The following DCX variants were observed in gnomAD, a reference collection of about 807,000 sequenced individuals.
DCX encodes doublecortin.
In DCX, 4 loss-of-function variants were observed where a neutral mutation model predicts 20.9. The observed-to-expected ratio is 0.19, with a 90% confidence interval of 0.09 to 0.44. DCX has a LOEUF of 0.44. DCX is among the 20% of genes least tolerant of loss of function. DCX has a pLI of 0.99. For missense variants in DCX, 133 were observed against 296.9 expected (o/e 0.45, Z 4.06); for synonymous variants, 103 against 111.4 (o/e 0.92, Z 0.47).
intron 6 of DCX, among the ~76,000 whole-genome samples, chrX:111,302,590 T>C (rs1412068552): frequency 2.7e-5 from 3 of 112,214 alleles, no homozygotes; most frequent in Non-Finnish European, 5.6e-5. Context: ...TATTAGTAGT[T>C]TGGTTTCTCC....
chrX:111,302,040 C>T (rs888095878), intron 6 of DCX, among the ~76,000 whole-genome samples: 8 of 110,561 alleles, frequency 7.2e-5, no homozygotes, highest in Non-Finnish European at 1.3e-4. Context: ...GTGTGACCAT[C>T]GCCACAGTCA....
chrX:111,385,242 C>A (rs187588458), intron 3 of DCX, among the ~76,000 whole-genome samples: 68 of 112,469 alleles, frequency 6.0e-4, no homozygotes, highest in African/African-American at 2.2e-3. Context: ...CCACAAAAAG[C>A]CCATATAATA....
At chrX:111,388,993 A>C (rs780799009) in intron 3 of DCX, among the ~76,000 whole-genome samples, 8 of 111,697 alleles carry the variant, frequency 7.2e-5, no homozygotes, top group Non-Finnish European at 1.5e-4. Context: ...CACTGGACAG[A>C]CTAGTTTTGA....
chrX:111,324,513 A>T (rs1420538316), intron 5 of DCX, among the ~76,000 whole-genome samples: 1 of 111,932 alleles, frequency 8.9e-6, no homozygotes, highest in African/African-American at 3.2e-5. Context: ...TTTAAATTCC[A>T]GTTCTATCAT....
rs2095028169 is a variant in DCX at position 111,299,149 on chromosome X, C to T, written c.*2538G>A. On this transcript the variant is annotated 3_prime_UTR_variant, in exon 7 of 7. Coordinates refer to ENST00000636035, the MANE Select transcript of DCX (RefSeq NM_001195553.2). ...GTTACAGACACACAAAAAAAATTGC[C>T]TTGAAAGTGGGCCAATTTAAAATGC... The T allele has an allele frequency of 9.0e-6, 1 of 111,015 alleles. No homozygotes were observed. Among genetic ancestry groups the T allele is most frequent in the African/African-American group, 3.3e-5 (1 of 30,458 alleles). The allele number at this position is 111,015 out of a possible 1,213,427, so 9.1% of individuals were successfully genotyped here. A position where few individuals can be genotyped will look rare whatever the true frequency, so the allele number is the denominator to read the frequency against.
chrX:111,338,025 C>T (rs1921888601), intron 3 of DCX, among the ~76,000 whole-genome samples: 1 of 112,133 alleles, frequency 8.9e-6, no homozygotes, highest in Non-Finnish European at 1.9e-5. Context: ...CAGAGAAAAA[C>T]TGAGTCTTGA....
At chrX:111,340,183 T>A (rs531275202) in intron 3 of DCX, among the ~76,000 whole-genome samples, 4 of 112,659 alleles carry the variant, frequency 3.6e-5, no homozygotes, top group African/African-American at 1.3e-4. Flanking sequence ...ACTTTTCCCT[T>A]GCTGGAGCCA....
intron 3 of DCX, among the ~76,000 whole-genome samples, chrX:111,369,096 T>C (rs1329913907): frequency 9.0e-6 from 1 of 110,862 alleles, no homozygotes; most frequent in Non-Finnish European, 1.9e-5. Context: ...AGATGTAGAC[T>C]GGGAGGCTAG....
chrX:111,328,759 A>G (rs2095105557), intron 5 of DCX, among the ~76,000 whole-genome samples: 1 of 111,226 alleles, frequency 9.0e-6, no homozygotes, highest in Non-Finnish European at 1.9e-5. Context: ...CTTGGATCAC[A>G]AACTAAGGTA....
chrX:111,401,895 T>C (rs1927821799), intron 2 of DCX, among the ~76,000 whole-genome samples: 1 of 112,198 alleles, frequency 8.9e-6, no homozygotes, highest in Admixed American at 9.5e-5. Context: ...TTGCACAGAG[T>C]ATATGGCCAA....
chrX:111,408,682 GAAAGAAAGAA>G (rs1569498223), intron 2 of DCX, among the ~76,000 whole-genome samples: 6 of 109,790 alleles, frequency 5.5e-5, no homozygotes, highest in African/African-American at 1.7e-4. Context: ...AAGAAAGAAA[GAAAGAAAGAA>G]AGGAAGGAAG....
chrX:111,341,418 C>G, intron 3 of DCX, among the ~76,000 whole-genome samples: 1 of 111,013 alleles, frequency 9.0e-6, no homozygotes, highest in East Asian at 2.8e-4. Context: ...ATAAAGGAGA[C>G]AGGGAGAATG....
intron 3 of DCX, among the ~76,000 whole-genome samples, chrX:111,369,567 G>T (rs1924909787): frequency 9.0e-6 from 1 of 111,682 alleles, no homozygotes; most frequent in Non-Finnish European, 1.9e-5. Context: ...CCAAGGGGAT[G>T]GTCCCAAAAG....
intron 2 of DCX, among the ~76,000 whole-genome samples, chrX:111,402,789 GTGTGT>G (rs1240700243): frequency 7.4e-4 from 9 of 12,243 alleles, no homozygotes; most frequent in East Asian, 0.15. Context: ...CGTGGTGTGT[GTGTGT>G]GTGTGTGTGT....
intron 2 of DCX, among the ~76,000 whole-genome samples, chrX:111,404,145 T>A (rs1387036779): frequency 2.7e-5 from 3 of 110,824 alleles, no homozygotes; most frequent in Non-Finnish European, 5.7e-5. Flanking sequence ...TTTCTGTTAT[T>A]ATTAAGCCCC....
chrX:111,385,361 A>G (rs1166280970), intron 3 of DCX, among the ~76,000 whole-genome samples: 1 of 111,831 alleles, frequency 8.9e-6, no homozygotes, highest in Non-Finnish European at 1.9e-5. Context: ...GACTAATGGA[A>G]AATCAAGTTC....
chrX:111,361,803 G>T (rs1258925796), intron 3 of DCX, among the ~76,000 whole-genome samples: 1 of 111,800 alleles, frequency 8.9e-6, no homozygotes, highest in Non-Finnish European at 1.9e-5. Context: ...GTCCCTCAAT[G>T]AATAATGGTA....
rs9778299 is a variant in DCX, at chrX:111,319,361, A to G, written c.947-6625T>C. On this transcript the variant is annotated intron_variant, in intron 5 of 6. Transcript: ENST00000636035. ...GCCACGGGGGAGGGAGAGAATGAAC[A>G]CCATGGTAGATAGGGACCTAGAGGC... 3.5e-3 allele frequency among the ~76,000 whole-genome samples: 390 copies of G among 111,090 alleles called. 3 individuals are homozygous for G. The highest frequency in any genetic ancestry group is 0.012 in the African/African-American group (370 of 30,484).
intron 3 of DCX, among the ~76,000 whole-genome samples, chrX:111,353,907 T>G (rs779321873): frequency 5.4e-5 from 6 of 112,101 alleles, no homozygotes; most frequent in African/African-American, 1.9e-4. Flanking sequence ...AATTGACTTT[T>G]GGACCTTGTT....
Sources: gnomAD v4.1 joint callset for allele counts (sites outside exome capture counted in the v4.1 genomes callset) on GRCh38, gnomAD v4.1.1 for gene constraint, MANE v1.5 for transcripts, NCBI Gene and HGNC (gene_info 2026-07-23, HGNC 2026-07-21) for gene names.